GABRG1: variants seen among roughly 807,000 people sequenced by gnomAD.
The protein encoded by GABRG1 is gamma-aminobutyric acid type A receptor subunit gamma1, also known as gamma-aminobutyric acid receptor subunit gamma-1.
A neutral mutation model predicts 49.8 loss-of-function variants in GABRG1; 49 were observed. The observed-to-expected ratio is 0.98, with a 90% CI of 0.78 to 1.25. The LOEUF is 1.25. Ranked by LOEUF, GABRG1 falls within the 50% of genes most tolerant of loss-of-function variation. The pLI, the probability that GABRG1 is intolerant of heterozygous loss-of-function variation, is 0.00. For missense variants in GABRG1, 552 were observed against 552.3 expected (o/e 1.00, Z 0.01); for synonymous variants, 232 against 185.1 (o/e 1.25, Z -2.06).
intron 5 of GABRG1, 142 bp downstream of exon 5, chr4:46,064,296 ATAT>A: frequency 2.1e-6 from 1 of 474,894 alleles, no homozygotes; most frequent in Non-Finnish European, 3.8e-6. Flanking sequence ...AGAAGCAAAT[ATAT>A]TATTTGTAAT....
intron 1 of GABRG1, among the ~76,000 whole-genome samples, chr4:46,102,046 A>T (rs1415120478): frequency 2.0e-5 from 3 of 151,838 alleles, no homozygotes; most frequent in African/African-American, 7.2e-5. Flanking sequence ...AGTGAATTCG[A>T]TGTGAATGCC....
chr4:46,045,951 G>A (rs1460374650), intron 8 of GABRG1, among the ~76,000 whole-genome samples: 1 of 152,110 alleles, frequency 6.6e-6, no homozygotes, highest in East Asian at 1.9e-4. Flanking sequence ...GTACCAAAGA[G>A]TTATAGATAC....
At chr4:46,083,755 T>A (rs912146875) in intron 3 of GABRG1, among the ~76,000 whole-genome samples, 2 of 151,670 alleles carry the variant, frequency 1.3e-5, no homozygotes, top group African/African-American at 4.8e-5. Context: ...TAATTTGTTA[T>A]GCCGTTGCAT....
At chr4:46,042,618 C>T (rs1024719809) in intron 8 of GABRG1, among the ~76,000 whole-genome samples, 4 of 151,898 alleles carry the variant, frequency 2.6e-5, no homozygotes, top group Non-Finnish European at 4.4e-5. Flanking sequence ...TTATGAAAAA[C>T]ATTTTTACAA....
chr4:46,069,556 C>G (rs893296883), intron 3 of GABRG1, among the ~76,000 whole-genome samples: 5 of 152,042 alleles, frequency 3.3e-5, no homozygotes, highest in Non-Finnish European at 7.4e-5. Flanking sequence ...ATGCCAATTG[C>G]TTAAATCATT....
chr4:46,064,290 G>A (rs567382026), intron 5 of GABRG1, 151 bp downstream of exon 5: 1 of 460,830 alleles, frequency 2.2e-6, no homozygotes, highest in South Asian at 4.4e-5. Context: ...AAAGCAAGAA[G>A]CAAATATATT....
chr4:46,081,259 A>T (rs1177667848), intron 3 of GABRG1, among the ~76,000 whole-genome samples: 1 of 151,822 alleles, frequency 6.6e-6, no homozygotes, highest in East Asian at 1.9e-4. Context: ...ATTTGGCCCC[A>T]GCCTCAACTT....
At chr4:46,119,332 G>T (rs556281245) in intron 1 of GABRG1, among the ~76,000 whole-genome samples, 5 of 151,122 alleles carry the variant, frequency 3.3e-5, no homozygotes, top group African/African-American at 1.2e-4. Context: ...AATGTTCATT[G>T]TTTTGACTTA....
At chr4:46,100,311 C>T (rs944093726) in intron 1 of GABRG1, among the ~76,000 whole-genome samples, 20 of 151,088 alleles carry the variant, frequency 1.3e-4, no homozygotes, top group South Asian at 2.1e-4. Context: ...ACACACACTG[C>T]GGCATATCAG....
intron 8 of GABRG1, among the ~76,000 whole-genome samples, chr4:46,049,524 A>C (rs1245091343): frequency 6.6e-6 from 1 of 151,846 alleles, no homozygotes; most frequent in Non-Finnish European, 1.5e-5. Context: ...ATGTCAATTT[A>C]ACTGTTGCTA....
intron 1 of GABRG1, among the ~76,000 whole-genome samples, chr4:46,103,552 A>G (rs763155128): frequency 1.1e-4 from 16 of 151,552 alleles, no homozygotes; most frequent in Non-Finnish European, 4.4e-5. Flanking sequence ...GGGGCTAACA[A>G]TATTTTAATA....
chr4:46,095,530 G>T (rs952735631), intron 2 of GABRG1, among the ~76,000 whole-genome samples: 6 of 151,030 alleles, frequency 4.0e-5, no homozygotes, highest in African/African-American at 1.2e-4. Flanking sequence ...AAGGCTTCCA[G>T]GAGGAAAAAA....
rs923821642 is a variant in GABRG1 at position 46,040,408 on chromosome 4, T to A, written c.*580A>T. ...ATTAAAAGACAGGTAAAAATTGACC[T>A]TTTCATAAGTCTTCAGTAACTGATA... On this transcript the variant is annotated 3_prime_UTR_variant, in exon 9 of 9. Transcript: ENST00000295452. 1 of 152,370 alleles carries A rather than the reference T, an allele frequency of 6.6e-6. No homozygotes were observed. Among genetic ancestry groups the A allele is most frequent in the East Asian group, 1.9e-4 (1 of 5,170 alleles). 9.4% of individuals were successfully genotyped at this position (152,370 alleles called of 1,614,324 possible). A position where few individuals can be genotyped will look rare whatever the true frequency, so the allele number is the denominator to read the frequency against.
At chr4:46,043,883 A>G (rs1717881917) in intron 8 of GABRG1, among the ~76,000 whole-genome samples, 1 of 151,986 alleles carries the variant, frequency 6.6e-6, no homozygotes, top group African/African-American at 2.4e-5. Flanking sequence ...ACCAAAATAT[A>G]CTAATATCAA....
chr4:46,118,572 T>A (rs1721003838), intron 1 of GABRG1, among the ~76,000 whole-genome samples: 1 of 151,194 alleles, frequency 6.6e-6, no homozygotes, highest in South Asian at 2.1e-4. Context: ...TTATTTATGC[T>A]AGTTGAACAC....
chr4:46,083,404 A>C lies in GABRG1; in HGVS notation c.321+582T>G, dbSNP rs1010314158. On this transcript the variant is annotated intron_variant, in intron 3 of 8. Transcript: ENST00000295452. ...CATCTGCATTTGACACTCCCCTGGT[A>C]AAATGTTTCCTGTCATTTATCTTCT... Among the ~76,000 whole-genome samples the C allele has an allele frequency of 2.6e-5, 4 of 151,716 alleles. No homozygotes were observed. In the East Asian group the frequency reaches 7.8e-4, roughly 29 times the overall value.
At chr4:46,087,602 C>A (rs55997646) in intron 2 of GABRG1, among the ~76,000 whole-genome samples, 18 of 151,650 alleles carry the variant, frequency 1.2e-4, no homozygotes, top group African/African-American at 4.3e-4. Flanking sequence ...AATAAAATAT[C>A]GATCTAGTTA....
intron 5 of GABRG1, among the ~76,000 whole-genome samples, chr4:46,063,522 A>T (rs1011337201): frequency 1.3e-5 from 2 of 152,206 alleles, no homozygotes; most frequent in African/African-American, 2.4e-5. Flanking sequence ...CTTATACCTT[A>T]TACAAAAATT....
intron 3 of GABRG1, among the ~76,000 whole-genome samples, chr4:46,083,118 C>T (rs1719635084): frequency 6.6e-6 from 1 of 151,624 alleles, no homozygotes; most frequent in African/African-American, 2.4e-5. Flanking sequence ...AATGACTCTA[C>T]CATCTTCAAA....
Sources: allele counts gnomAD v4.1 joint callset (sites outside exome capture counted in the v4.1 genomes callset), GRCh38; gene constraint gnomAD v4.1.1; transcripts MANE v1.5; gene names NCBI Gene and HGNC (gene_info 2026-07-23, HGNC 2026-07-21).